Variants in GRIK2 observed in about 807,000 individuals in gnomAD.
GRIK2 encodes glutamate ionotropic receptor kainate type subunit 2.
GRIK2 carries 32 observed loss-of-function variants against 100.3 expected under a neutral mutation model. That is an observed-to-expected ratio of 0.32 (90% CI 0.24 to 0.43). The LOEUF is 0.43. Ranked by LOEUF, GRIK2 falls within the 20% of genes least tolerant of loss-of-function variation. The pLI, the probability that GRIK2 is intolerant of heterozygous loss-of-function variation, is 1.00. For missense variants in GRIK2, 843 were observed against 1,114.9 expected (o/e 0.76, Z 3.47); for synonymous variants, 417 against 389.4 (o/e 1.07, Z -0.83).
At chr6:101,768,942 A>G (rs897013120) in intron 7 of GRIK2, among the ~76,000 whole-genome samples, 2 of 152,152 alleles carry the variant, frequency 1.3e-5, no homozygotes, top group Non-Finnish European at 2.9e-5. Context: ...AATATTTACT[A>G]TTTTTCTGAT....
intron 2 of GRIK2, among the ~76,000 whole-genome samples, chr6:101,516,024 A>T (rs937010244): frequency 7.2e-5 from 11 of 152,042 alleles, no homozygotes; most frequent in African/African-American, 2.7e-4. Flanking sequence ...TTTCAATGTT[A>T]TCTTCTAGAA....
Position 101,752,484 on chromosome 6 carries a change from C to T in GRIK2, c.952-47164C>T, listed in dbSNP as rs116672877. On this transcript the variant is annotated intron_variant, in intron 7 of 16. Transcript: ENST00000369134. ...CGACTTAGTCACAGTTCATAGGCTT[C>T]TCTGTAGACAAAGCTGGAAAATATT... Among the ~76,000 whole-genome samples, 1,083 of 152,170 alleles carry T rather than the reference C, an allele frequency of 7.1e-3. 12 individuals are homozygous for T. The highest frequency in any genetic ancestry group is 0.024 in the African/African-American group (992 of 41,526).
At chr6:101,970,330 C>T (rs1792965921) in intron 14 of GRIK2, among the ~76,000 whole-genome samples, 1 of 151,618 alleles carries the variant, frequency 6.6e-6, no homozygotes, top group South Asian at 2.1e-4. Context: ...CTTGCCATCA[C>T]CCAGGAAAGA....
At chr6:101,617,066 T>G (rs1779924745) in intron 2 of GRIK2, among the ~76,000 whole-genome samples, 1 of 151,808 alleles carries the variant, frequency 6.6e-6, no homozygotes, top group Non-Finnish European at 1.5e-5. Context: ...TTTTCAAATA[T>G]TGAAGCTACA....
At chr6:101,736,066 T>G in intron 7 of GRIK2, among the ~76,000 whole-genome samples, 1 of 148,794 alleles carries the variant, frequency 6.7e-6, no homozygotes, top group South Asian at 2.1e-4. Context: ...AGCTCCAAAA[T>G]GATCTTTTTT....
intron 2 of GRIK2, among the ~76,000 whole-genome samples, chr6:101,434,574 T>G (rs1049948006): frequency 1.3e-5 from 2 of 152,180 alleles, no homozygotes; most frequent in African/African-American, 2.4e-5. Flanking sequence ...GGGTAAAATT[T>G]TATAGCTCTA....
At chr6:101,434,452 A>G (rs908555168) in intron 2 of GRIK2, among the ~76,000 whole-genome samples, 1 of 152,106 alleles carries the variant, frequency 6.6e-6, no homozygotes, top group Non-Finnish European at 1.5e-5. Context: ...CAGTGAACAG[A>G]ATTTCTGACA....
chr6:102,006,949 A>T (rs994156137), intron 14 of GRIK2, among the ~76,000 whole-genome samples: 2 of 152,108 alleles, frequency 1.3e-5, no homozygotes, highest in African/African-American at 4.8e-5. Flanking sequence ...AATTTTGTTG[A>T]AGAACTTTAT....
At chr6:101,926,924 G>A (rs906645885) in intron 13 of GRIK2, among the ~76,000 whole-genome samples, 1 of 152,060 alleles carries the variant, frequency 6.6e-6, no homozygotes, top group Admixed American at 6.6e-5. Context: ...CTTTATTGGT[G>A]TTGTTGTTTA....
intron 2 of GRIK2, among the ~76,000 whole-genome samples, chr6:101,573,824 C>T (rs1352379257): frequency 6.6e-6 from 1 of 152,008 alleles, no homozygotes; most frequent in Non-Finnish European, 1.5e-5. Flanking sequence ...TAATTCTCTA[C>T]AACAAAAGTG....
intron 7 of GRIK2, among the ~76,000 whole-genome samples, chr6:101,721,867 C>CA (rs1158090225): frequency 4.0e-5 from 6 of 151,380 alleles, no homozygotes; most frequent in East Asian, 1.9e-4. Flanking sequence ...TTACTTCTCA[C>CA]AAAAAAAAGA....
chr6:101,942,942 T>A (rs1397230565), intron 14 of GRIK2, among the ~76,000 whole-genome samples: 1 of 152,156 alleles, frequency 6.6e-6, no homozygotes, highest in Admixed American at 6.5e-5. Context: ...ATAGCCAAGA[T>A]AATAAGGAAA....
At chr6:101,908,327 G>GGCAAAAAAAAAAGTAGGCAAAAAC (rs6149728) in intron 12 of GRIK2, among the ~76,000 whole-genome samples, 1 of 146,372 alleles carries the variant, frequency 6.8e-6, no homozygotes, top group Non-Finnish European at 1.5e-5. Flanking sequence ...CAATTATTTT[G>GGCAAAAAAAAAAGTAGGCAAAAAC]CACCAGCCTA....
intron 10 of GRIK2, among the ~76,000 whole-genome samples, chr6:101,837,366 A>C (rs961227526): frequency 1.3e-5 from 2 of 152,262 alleles, no homozygotes; most frequent in South Asian, 4.1e-4. Flanking sequence ...GCAAATTTGA[A>C]ACCTGTTGAG....
chr6:101,852,613 A>C (rs954728143), intron 10 of GRIK2, among the ~76,000 whole-genome samples: 1 of 152,176 alleles, frequency 6.6e-6, no homozygotes, highest in Non-Finnish European at 1.5e-5. Flanking sequence ...TAAATCGCTC[A>C]AGTCTAGTTC....
rs532086027 is a variant in GRIK2 at position 101,561,496 on chromosome 6, T to A, written c.116-60453T>A. ...GTAGGGAAGTTATAATTAACAATAA[T>A]TTATTATAGATTTCAAAATAGCTAG... is the stretch of plus-strand genomic sequence containing the variant. On this transcript the variant is annotated intron_variant, in intron 2 of 16. Coordinates refer to ENST00000369134, the MANE Select transcript of GRIK2 (RefSeq NM_021956.5). Among the ~76,000 whole-genome samples, 10 of 152,274 alleles carry A rather than the reference T, an allele frequency of 6.6e-5. No homozygotes were observed. In the South Asian group the frequency reaches 2.1e-3, roughly 32 times the overall value.
chr6:102,000,597 T>C (rs1208723491), intron 14 of GRIK2, among the ~76,000 whole-genome samples: 1 of 152,158 alleles, frequency 6.6e-6, no homozygotes, highest in Non-Finnish European at 1.5e-5. Context: ...ATATTATTTT[T>C]AGTGAGCTTT....
At position 101,732,642 on chromosome 6, in the gene GRIK2, A is replaced by G. The variant is rs184655386; in HGVS notation, c.951+46289A>G. The stretch of plus-strand genomic sequence containing the variant: ...AATGGAATTTTTATTAGAACTTAAT[A>G]TTTGTTTATTTTTGCATTTTGGAAA... On this transcript the variant is annotated intron_variant, in intron 7 of 16. Transcript: ENST00000369134. 1.7e-3 allele frequency among the ~76,000 whole-genome samples: 265 copies of G among 152,260 alleles called. 3 individuals are homozygous for G. Among genetic ancestry groups the G allele is most frequent in the Non-Finnish European group, 4.1e-4 (28 of 68,018 alleles).
intron 12 of GRIK2, among the ~76,000 whole-genome samples, chr6:101,919,111 G>A (rs1357788378): frequency 1.3e-5 from 2 of 151,702 alleles, no homozygotes; most frequent in South Asian, 4.1e-4. Context: ...ATATTATATT[G>A]AGCCTTGAAA....
Sources: allele counts gnomAD v4.1 joint callset (sites outside exome capture counted in the v4.1 genomes callset), GRCh38; gene constraint gnomAD v4.1.1; transcripts MANE v1.5; gene names NCBI Gene and HGNC (gene_info 2026-07-23, HGNC 2026-07-21).